The following ZMAT4 variants were observed in gnomAD, a reference collection of about 807,000 sequenced individuals.
ZMAT4 encodes zinc finger matrin-type 4, also known as zinc finger matrin-type protein 4.
ZMAT4 carries 17 observed loss-of-function variants against 28.7 expected under a neutral mutation model. That is an observed-to-expected ratio of 0.59 (90% CI 0.41 to 0.89). ZMAT4 has a LOEUF of 0.89. ZMAT4 is among the 40% of genes least tolerant of loss of function. ZMAT4 has a pLI of 0.00. For missense variants in ZMAT4, 240 were observed against 283.8 expected (o/e 0.85, Z 1.11); for synonymous variants, 117 against 109.2 (o/e 1.07, Z -0.44).
At chr8:40,582,816 G>A (rs1185489178) in intron 5 of ZMAT4, among the ~76,000 whole-genome samples, 2 of 152,230 alleles carry the variant, frequency 1.3e-5, no homozygotes, top group East Asian at 1.9e-4. Flanking sequence ...TGATCAATAC[G>A]GGCTTGCTAT....
intron 5 of ZMAT4, among the ~76,000 whole-genome samples, chr8:40,662,502 A>G (rs1808245000): frequency 6.6e-6 from 1 of 152,122 alleles, no homozygotes; most frequent in South Asian, 2.1e-4. Context: ...AAATGATTTC[A>G]TTTTAGAAGC....
chr8:40,877,178 G>A (rs915062899), intron 1 of ZMAT4, among the ~76,000 whole-genome samples: 3 of 152,172 alleles, frequency 2.0e-5, no homozygotes, highest in Non-Finnish European at 2.9e-5. Flanking sequence ...CCGTCTACAA[G>A]CCAAGAACAG....
chr8:40,667,779 C>G (rs1480684925), intron 5 of ZMAT4, among the ~76,000 whole-genome samples: 1 of 146,888 alleles, frequency 6.8e-6, no homozygotes, highest in Non-Finnish European at 1.5e-5. Flanking sequence ...TGGAGATCTT[C>G]AGATTGGTTG....
chr8:40,881,572 A>AAG (rs1818263322), intron 1 of ZMAT4, among the ~76,000 whole-genome samples: 1 of 106,300 alleles, frequency 9.4e-6, no homozygotes, highest in South Asian at 3.0e-4. Context: ...GAAAGAAAGA[A>AAG]AGAAAGAAAG....
rs1303351481 is a variant in ZMAT4, at chr8:40,881,558, G to GAA, written c.-5+16123_-5+16124dup. On this transcript the variant is annotated intron_variant, in intron 1 of 6. Coordinates refer to ENST00000297737, the MANE Select transcript of ZMAT4 (RefSeq NM_024645.3). The stretch of plus-strand genomic sequence containing the variant: ...AGAAAGAAAGAAAGAAAGAAAGAAA[G>GAA]AAAGAAAGAAAGAAAGAAAGAAAGA... Among the ~76,000 whole-genome samples, 4 of 94,388 alleles carry GAA rather than the reference G, an allele frequency of 4.2e-5. 1 individual carries two copies. Among genetic ancestry groups the GAA allele is most frequent in the African/African-American group, 1.8e-4 (4 of 22,602 alleles). The allele number at this position is 94,388 out of a possible 152,430, so 61.9% of individuals were successfully genotyped here.
At chr8:40,715,588 A>C (rs1169046830) in intron 3 of ZMAT4, among the ~76,000 whole-genome samples, 1 of 152,246 alleles carries the variant, frequency 6.6e-6, no homozygotes, top group African/African-American at 2.4e-5. Context: ...AAAAGAAATC[A>C]AATTTTGAAA....
At chr8:40,687,998 T>G (rs1189551306) in intron 4 of ZMAT4, among the ~76,000 whole-genome samples, 2 of 152,138 alleles carry the variant, frequency 1.3e-5, no homozygotes, top group Non-Finnish European at 2.9e-5. Flanking sequence ...TCCAAAGACT[T>G]ACTGATTTCT....
At chr8:40,747,685 C>G (rs1446325473) in intron 3 of ZMAT4, among the ~76,000 whole-genome samples, 2 of 152,068 alleles carry the variant, frequency 1.3e-5, no homozygotes, top group African/African-American at 4.8e-5. Context: ...TCTTGGTGTT[C>G]AAGACATTGC....
At chr8:40,580,646 G>C (rs1218597233) in intron 6 of ZMAT4, among the ~76,000 whole-genome samples, 4 of 151,846 alleles carry the variant, frequency 2.6e-5, no homozygotes, top group Non-Finnish European at 5.9e-5. Context: ...AAAATTATGA[G>C]AATATTTGAA....
intron 5 of ZMAT4, among the ~76,000 whole-genome samples, chr8:40,649,777 A>T (rs1807544417): frequency 6.6e-6 from 1 of 152,174 alleles, no homozygotes; most frequent in Non-Finnish European, 1.5e-5. Flanking sequence ...AATCTCACTC[A>T]AAACCGCTCA....
At chr8:40,645,259 A>T (rs73609583) in intron 5 of ZMAT4, among the ~76,000 whole-genome samples, 2 of 152,278 alleles carry the variant, frequency 1.3e-5, no homozygotes, top group Non-Finnish European at 2.9e-5. Flanking sequence ...CTAAAATAAA[A>T]TGTTTATTTA....
At chr8:40,570,747 C>CAAACAAACA (rs766071743) in intron 6 of ZMAT4, among the ~76,000 whole-genome samples, 1 of 151,694 alleles carries the variant, frequency 6.6e-6, no homozygotes. Context: ...AACAAACAAA[C>CAAACAAACA]AAAAAAACCT....
At chr8:40,773,268 T>C (rs1363797605) in intron 2 of ZMAT4, among the ~76,000 whole-genome samples, 3 of 152,098 alleles carry the variant, frequency 2.0e-5, no homozygotes, top group African/African-American at 4.8e-5. Context: ...TTCTCCAACA[T>C]AGGGAAGGAA....
In ZMAT4 at chr8:40,532,141, G is replaced by C; in HGVS notation, c.*82C>G. 7.6e-7 allele frequency: 1 copy of C among 1,319,296 alleles called. No homozygotes were observed. Among genetic ancestry groups the C allele is most frequent in the Non-Finnish European group, 1.0e-6 (1 of 974,118 alleles). The allele number at this position is 1,319,296 out of a possible 1,614,324, so 81.7% of individuals were successfully genotyped here. ...GAAATGTTTATTGTTCAAGAAAGAAGCCTCCTCTGGTGGTTGATAAGCAAT... is the reference window on the plus strand; with the variant it reads ...GAAATGTTTATTGTTCAAGAAAGAACCCTCCTCTGGTGGTTGATAAGCAAT... On this transcript the variant is annotated 3_prime_UTR_variant, in exon 7 of 7. Transcript: ENST00000297737.
At chr8:40,738,144 G>A (rs1422558040) in intron 3 of ZMAT4, among the ~76,000 whole-genome samples, 1 of 152,184 alleles carries the variant, frequency 6.6e-6, no homozygotes, top group South Asian at 2.1e-4. Flanking sequence ...GTTCTGACTA[G>A]AAGTTTATAT....
At chr8:40,861,927 C>T (rs560434978) in intron 1 of ZMAT4, among the ~76,000 whole-genome samples, 1 of 152,204 alleles carries the variant, frequency 6.6e-6, no homozygotes, top group African/African-American at 2.4e-5. Flanking sequence ...ACAACAGGTG[C>T]TGGAGAGGAT....
At chr8:40,784,075 C>CACCACCACT (rs990474826) in intron 2 of ZMAT4, among the ~76,000 whole-genome samples, 8 of 152,234 alleles carry the variant, frequency 5.3e-5, no homozygotes, top group African/African-American at 1.9e-4. Context: ...CCACCACCAC[C>CACCACCACT]ACCACCACTA....
intron 2 of ZMAT4, among the ~76,000 whole-genome samples, chr8:40,801,367 TATATACATATATATA>T (rs1814838093): frequency 6.9e-6 from 1 of 145,944 alleles, no homozygotes; most frequent in South Asian, 2.1e-4. Flanking sequence ...TATATATATA[TATATACATATATATA>T]TTCGGTGGGG....
At chr8:40,837,662 G>A (rs1816545456) in intron 1 of ZMAT4, among the ~76,000 whole-genome samples, 2 of 152,164 alleles carry the variant, frequency 1.3e-5, no homozygotes, top group Admixed American at 6.5e-5. Flanking sequence ...CTGGGTCATG[G>A]CACTAAACAG....
Sources: gnomAD v4.1 joint callset for allele counts (sites outside exome capture counted in the v4.1 genomes callset) on GRCh38, gnomAD v4.1.1 for gene constraint, MANE v1.5 for transcripts, NCBI Gene and HGNC (gene_info 2026-07-23, HGNC 2026-07-21) for gene names.